Variants in EDIL3 observed in about 807,000 individuals in gnomAD.
EDIL3 encodes EGF-like repeat and discoidin I-like domain-containing protein 3.
EDIL3 carries 37 observed loss-of-function variants against 67.4 expected under a neutral mutation model. The ratio of observed to expected loss-of-function variants is 0.55; its 90% CI spans 0.42 to 0.72. EDIL3 has a LOEUF of 0.72. Among genes scored for constraint, EDIL3 ranks in the 30% least tolerant of loss-of-function variants. The probability of loss-of-function intolerance (pLI) is 0.00; values close to 1 mark genes in which losing one functional copy is unlikely to be tolerated. For missense variants in EDIL3, 527 were observed against 586.3 expected (o/e 0.90, Z 1.04); for synonymous variants, 195 against 196.3 (o/e 0.99, Z 0.05).
chr5:84,254,341 T>C, intron 1 of EDIL3, 129 bp from the exon 2 acceptor site: 1 of 1,074,966 alleles, frequency 9.3e-7, no homozygotes, highest in Non-Finnish European at 1.3e-6. Flanking sequence ...GATTCACACA[T>C]AAGATCTGCA....
At chr5:83,963,474 A>G (rs1744640602) in intron 9 of EDIL3, 114 bp from the exon 10 acceptor site, 2 of 1,196,784 alleles carry the variant, frequency 1.7e-6, no homozygotes, top group Non-Finnish European at 2.2e-6. Flanking sequence ...AAATCTGTCT[A>G]GTTATTTGTA....
intron 1 of EDIL3, among the ~76,000 whole-genome samples, chr5:84,374,471 C>T (rs542396715): frequency 5.9e-5 from 9 of 152,214 alleles, no homozygotes; most frequent in South Asian, 4.1e-4. Context: ...AAAATGCTTA[C>T]GAAATTTTAA....
At chr5:84,162,445 G>A (rs146202617) in intron 4 of EDIL3, among the ~76,000 whole-genome samples, 120 of 152,202 alleles carry the variant, frequency 7.9e-4, no homozygotes, top group African/African-American at 2.8e-3. Flanking sequence ...GTACCAAAGT[G>A]GATGAGATGA....
chr5:84,303,710 A>T (rs973853512), intron 1 of EDIL3, among the ~76,000 whole-genome samples: 1 of 152,118 alleles, frequency 6.6e-6, no homozygotes, highest in Non-Finnish European at 1.5e-5. Flanking sequence ...AACAGTACAG[A>T]ACAGTATATA....
intron 1 of EDIL3, among the ~76,000 whole-genome samples, chr5:84,317,741 G>A (rs940153248): frequency 2.0e-5 from 3 of 152,116 alleles, no homozygotes; most frequent in East Asian, 1.9e-4. Flanking sequence ...CATTCCCTTC[G>A]AAAACTGGCA....
chr5:84,212,139 G>A (rs775553505), intron 3 of EDIL3, among the ~76,000 whole-genome samples: 11 of 152,038 alleles, frequency 7.2e-5, no homozygotes, highest in Non-Finnish European at 1.5e-4. Flanking sequence ...TACTATACAG[G>A]TATTGATCCC....
At chr5:84,383,290 GCTGCC>G (rs921719045) in intron 1 of EDIL3, among the ~76,000 whole-genome samples, 1 of 152,000 alleles carries the variant, frequency 6.6e-6, no homozygotes, top group Non-Finnish European at 1.5e-5. Context: ...TGCTGCCCCC[GCTGCC>G]CTTTTCCGGC....
intron 1 of EDIL3, among the ~76,000 whole-genome samples, chr5:84,305,792 T>C (rs780427562): frequency 6.6e-6 from 1 of 152,010 alleles, no homozygotes; most frequent in Non-Finnish European, 1.5e-5. Flanking sequence ...GGCAGGAGAA[T>C]TGCTTGAACC....
intron 2 of EDIL3, among the ~76,000 whole-genome samples, chr5:84,241,222 G>A (rs1439810443): frequency 1.3e-5 from 2 of 152,178 alleles, no homozygotes; most frequent in Non-Finnish European, 1.5e-5. Flanking sequence ...CATAGAGAAA[G>A]GGTAGATCAC....
In EDIL3 at chr5:84,377,387, T is replaced by C. The variant is rs112671049; in HGVS notation, c.67+6921A>G. On this transcript the variant is annotated intron_variant, in intron 1 of 10. Coordinates refer to ENST00000296591, the MANE Select transcript of EDIL3 (RefSeq NM_005711.5). ...CAGGCCTGTAGGTGGGAGACTGCTCTACATTACAGAGAGGGATCTGTCCAT... is the reference window on the plus strand; with the variant it reads ...CAGGCCTGTAGGTGGGAGACTGCTCCACATTACAGAGAGGGATCTGTCCAT... Among the ~76,000 whole-genome samples the C allele has an allele frequency of 7.7e-3, 1,178 of 152,004 alleles. 20 individuals are homozygous for C. The highest frequency in any genetic ancestry group is 0.027 in the African/African-American group (1,120 of 41,456).
At chr5:84,103,433 A>G (rs983829924) in intron 6 of EDIL3, among the ~76,000 whole-genome samples, 2 of 152,132 alleles carry the variant, frequency 1.3e-5, no homozygotes, top group African/African-American at 2.4e-5. Context: ...TGAACAGACA[A>G]CCTACCGAAT....
intron 5 of EDIL3, among the ~76,000 whole-genome samples, chr5:84,134,266 T>G (rs1027315132): frequency 6.6e-6 from 1 of 152,196 alleles, no homozygotes; most frequent in African/African-American, 2.4e-5. Context: ...TATATTTGAG[T>G]TTTTAAAATG....
At chr5:84,104,868 AATAAGGTGTTTCTC>A (rs1747429940) in intron 6 of EDIL3, among the ~76,000 whole-genome samples, 1 of 152,064 alleles carries the variant, frequency 6.6e-6, no homozygotes, top group African/African-American at 2.4e-5. Flanking sequence ...ATGAAACATT[AATAAGGTGTTTCTC>A]AGAGTAAACA....
intron 6 of EDIL3, among the ~76,000 whole-genome samples, chr5:84,084,037 A>C (rs1421500515): frequency 1.3e-5 from 2 of 152,194 alleles, no homozygotes; most frequent in Non-Finnish European, 2.9e-5. Context: ...CAGAATACAC[A>C]GAGAAAAACC....
chr5:83,963,453 C>A (rs1744640388), intron 9 of EDIL3, 93 bp from the exon 10 acceptor site: 5 of 1,321,806 alleles, frequency 3.8e-6, no homozygotes, highest in Admixed American at 5.8e-5. Context: ...CTATATATAT[C>A]CTAAAATCAA....
In EDIL3 at chr5:84,180,413, T is replaced by G. The variant is rs1393914037; in HGVS notation, c.335A>C (p.Asn112Thr). 1 of 1,601,010 alleles carries G rather than the reference T, an allele frequency of 6.2e-7. No individual in the cohort carries two copies. Among genetic ancestry groups the G allele is most frequent in the East Asian group, 2.2e-5 (1 of 44,456 alleles). ...GYVCKCPRGF[N>T]GIHCQHNINE... ...CTTACTGTGCTGACAGTGAATCCCA[T>G]TAAATCCTCGGGGACATTTACAAAC... Residue 112 changes from asparagine to threonine, a missense_variant, in exon 4 of 11, where the codon AAT becomes ACT. By Grantham distance (65) the Asn-to-Thr change is moderately conservative. Transcript: ENST00000296591.
At chr5:84,033,518 T>C (rs1745964891) in intron 9 of EDIL3, among the ~76,000 whole-genome samples, 1 of 151,928 alleles carries the variant, frequency 6.6e-6, no homozygotes, top group Non-Finnish European at 1.5e-5. Context: ...AAGACCAGCA[T>C]GACAAAACCC....
At chr5:84,266,847 G>A (rs1402058256) in intron 1 of EDIL3, among the ~76,000 whole-genome samples, 1 of 151,960 alleles carries the variant, frequency 6.6e-6, no homozygotes, top group Non-Finnish European at 1.5e-5. Context: ...CCATTTAGTA[G>A]CCTATTTGTT....
At chr5:84,310,035 C>G (rs1023792344) in intron 1 of EDIL3, among the ~76,000 whole-genome samples, 6 of 152,084 alleles carry the variant, frequency 3.9e-5, no homozygotes, top group African/African-American at 1.4e-4. Context: ...TCCAGAGATG[C>G]CTTACAAATA....
Sources: gnomAD v4.1 joint callset for allele counts (sites outside exome capture counted in the v4.1 genomes callset) on GRCh38, gnomAD v4.1.1 for gene constraint, MANE v1.5 for transcripts, NCBI Gene and HGNC (gene_info 2026-07-23, HGNC 2026-07-21) for gene names.